PCDH15: variants seen among roughly 807,000 people sequenced by gnomAD.
The protein encoded by PCDH15 is protocadherin related 15.
In PCDH15, 129 loss-of-function variants were observed where a neutral mutation model predicts 178.5. The ratio of observed to expected loss-of-function variants is 0.72; its 90% confidence interval spans 0.63 to 0.84. PCDH15 has a LOEUF of 0.84. Ranked by LOEUF, PCDH15 falls within the 40% of genes least tolerant of loss-of-function variation. PCDH15 has a pLI of 0.00. For missense variants in PCDH15, 2,230 were observed against 2,099.9 expected, an observed-to-expected ratio of 1.06 and a Z score of -1.21; for synonymous variants, 800 against 732.0, an observed-to-expected ratio of 1.09 and a Z score of -1.50.
At chr10:55,029,333 T>A (rs1840553469) in intron 2 of PCDH15, among the ~76,000 whole-genome samples, 1 of 152,156 alleles carries the variant, frequency 6.6e-6, no homozygotes, top group Middle Eastern at 3.4e-3. Context: ...TATATGAATA[T>A]GCATGTATAT....
chr10:53,993,254 A>G (rs2091641127), intron 21 of PCDH15, among the ~76,000 whole-genome samples: 1 of 152,204 alleles, frequency 6.6e-6, no homozygotes, highest in Admixed American at 6.5e-5. Context: ...AAATTTCTGG[A>G]AGTCTGGCAC....
chr10:54,451,925 A>C (rs143244788), intron 3 of PCDH15, among the ~76,000 whole-genome samples: 4 of 152,024 alleles, frequency 2.6e-5, no homozygotes, highest in African/African-American at 9.7e-5. Context: ...GTATTCCTTT[A>C]AGAATTTTTC....
rs191915131 is a variant in PCDH15, at chr10:53,991,363, G to A, written c.2868+4286C>T. 4.9e-3 allele frequency among the ~76,000 whole-genome samples: 745 copies of A among 152,176 alleles called. 7 individuals are homozygous for A. Among genetic ancestry groups the A allele is most frequent in the Non-Finnish European group, 8.7e-3 (590 of 68,016 alleles). On this transcript the variant is annotated intron_variant, in intron 21 of 37. Transcript: ENST00000644397. ...GCACTCTGTGTCTAGCTTGGGGTTCGTGGATGCACCAATCAGCACTCTGTA... is the reference window on the plus strand; with the variant it reads ...GCACTCTGTGTCTAGCTTGGGGTTCATGGATGCACCAATCAGCACTCTGTA...
chr10:54,893,619 A>C, intron 3 of PCDH15, among the ~76,000 whole-genome samples: 1 of 152,112 alleles, frequency 6.6e-6, no homozygotes, highest in East Asian at 1.9e-4. Context: ...AAAACAATAA[A>C]ATTTTAATCT....
At chr10:55,004,147 G>A (rs1447850979) in intron 2 of PCDH15, among the ~76,000 whole-genome samples, 1 of 152,258 alleles carries the variant, frequency 6.6e-6, no homozygotes, top group African/African-American at 2.4e-5. Flanking sequence ...TGGTGGAAGT[G>A]GGGGAATGGA....
chr10:54,550,103 T>C lies in PCDH15; in HGVS notation c.92-22226A>G, dbSNP rs552327429. ...ATGTGGATTTTAAAGCTTTCTTACATCAATAGACTCATGCTTTCTTATCTT... is the reference window on the plus strand; with the variant it reads ...ATGTGGATTTTAAAGCTTTCTTACACCAATAGACTCATGCTTTCTTATCTT... On this transcript the variant is annotated intron_variant, in intron 2 of 37. Coordinates refer to ENST00000644397, the MANE Select transcript of PCDH15 (RefSeq NM_001384140.1). Among the ~76,000 whole-genome samples, 6 of 152,290 alleles carry C rather than the reference T, an allele frequency of 3.9e-5. No homozygotes were observed. The South Asian group carries it at 1.2e-3, about 32-fold the overall frequency.
chr10:54,382,206 C>T (rs565755205), intron 3 of PCDH15, among the ~76,000 whole-genome samples: 6 of 152,142 alleles, frequency 3.9e-5, no homozygotes, highest in South Asian at 2.1e-4. Flanking sequence ...CCTCTAGGGA[C>T]GTTTTTTATA....
chr10:53,903,235 C>A lies in PCDH15; in HGVS notation c.3501+8G>T, dbSNP rs758025170. The A allele has an allele frequency of 1.9e-5, 30 of 1,612,240 alleles. No individual in the cohort carries two copies. Among genetic ancestry groups the A allele is most frequent in the Non-Finnish European group, 2.5e-5 (30 of 1,179,074 alleles). On this transcript the variant is annotated splice_region_variant and intron_variant, in intron 26 of 37. Transcript: ENST00000644397. The stretch of plus-strand genomic sequence containing the variant: ...TTTAGTTCTGTATATTAACATAATT[C>A]CGCATACCTTCACTCTGAGTACAGA...
chr10:55,162,875 A>G (rs1195307115), intron 2 of PCDH15, among the ~76,000 whole-genome samples: 1 of 152,134 alleles, frequency 6.6e-6, no homozygotes, highest in African/African-American at 2.4e-5. Flanking sequence ...GGCTTAAACA[A>G]TTACCAGTCA....
chr10:54,408,987 C>A (rs745619414), intron 3 of PCDH15, among the ~76,000 whole-genome samples: 4 of 152,084 alleles, frequency 2.6e-5, no homozygotes, highest in Non-Finnish European at 4.4e-5. Context: ...TGAGAGGGAC[C>A]CAGTGGGAGA....
chr10:54,949,791 A>C (rs1383970865), intron 2 of PCDH15, among the ~76,000 whole-genome samples: 1 of 151,958 alleles, frequency 6.6e-6, no homozygotes. Context: ...GATCTCTAGG[A>C]CAGGGGCCAA....
At chr10:55,294,291 T>C (rs1174588552) in intron 1 of PCDH15, among the ~76,000 whole-genome samples, 1 of 152,146 alleles carries the variant, frequency 6.6e-6, no homozygotes, top group African/African-American at 2.4e-5. Flanking sequence ...GAGATTTGGG[T>C]AGGGACCCAG....
intron 1 of PCDH15, among the ~76,000 whole-genome samples, chr10:54,712,153 A>C (rs2095433677): frequency 6.6e-6 from 1 of 151,900 alleles, no homozygotes; most frequent in Admixed American, 6.6e-5. Flanking sequence ...TTTAATTATC[A>C]ATTCTTTTCC....
intron 2 of PCDH15, among the ~76,000 whole-genome samples, chr10:55,056,621 T>TATG (rs2131994037): frequency 6.8e-6 from 1 of 148,140 alleles, no homozygotes; most frequent in Admixed American, 6.8e-5. Flanking sequence ...TTATTATTAT[T>TATG]ATTATTATTA....
At chr10:54,650,051 C>G (rs1252829034) in intron 2 of PCDH15, among the ~76,000 whole-genome samples, 1 of 152,050 alleles carries the variant, frequency 6.6e-6, no homozygotes, top group Non-Finnish European at 1.5e-5. Flanking sequence ...ATTTTATAAT[C>G]TAACCATGAA....
intron 2 of PCDH15, among the ~76,000 whole-genome samples, chr10:54,609,083 C>T (rs1310192821): frequency 6.6e-6 from 1 of 152,002 alleles, no homozygotes; most frequent in Non-Finnish European, 1.5e-5. Context: ...ACGTTGACTG[C>T]AACAATTATT....
intron 2 of PCDH15, among the ~76,000 whole-genome samples, chr10:55,096,972 C>T (rs889469609): frequency 6.6e-6 from 1 of 152,014 alleles, no homozygotes; most frequent in Non-Finnish European, 1.5e-5. Context: ...GGTATAATTG[C>T]TAATACCTGT....
chr10:55,464,599 A>C (rs1481010444), intron 2 of PCDH15, among the ~76,000 whole-genome samples: 9 of 150,420 alleles, frequency 6.0e-5, no homozygotes, highest in Admixed American at 1.3e-4. Flanking sequence ...CACTGTAAAA[A>C]TGGCCTAAAA....
At chr10:53,812,986 A>G (rs931678766) in intron 35 of PCDH15, among the ~76,000 whole-genome samples, 1 of 152,208 alleles carries the variant, frequency 6.6e-6, no homozygotes, top group Non-Finnish European at 1.5e-5. Flanking sequence ...AAAGACCCTC[A>G]GTTGTGCTTG....
Sources: gnomAD v4.1 joint callset for allele counts (sites outside exome capture counted in the v4.1 genomes callset) on GRCh38, gnomAD v4.1.1 for gene constraint, MANE v1.5 for transcripts, NCBI Gene and HGNC (gene_info 2026-07-23, HGNC 2026-07-21) for gene names.